The following COL7A1 variants were observed in gnomAD, a reference collection of about 807,000 sequenced individuals.
COL7A1 encodes collagen alpha-1(VII) chain.
A neutral mutation model predicts 456.2 loss-of-function variants in COL7A1; 296 were observed. The observed-to-expected ratio is 0.65, with a 90% CI of 0.59 to 0.71. The LOEUF (loss-of-function observed/expected upper bound fraction) is 0.71, where lower values mean the gene tolerates loss of function less well. COL7A1 is among the 30% of genes least tolerant of loss of function. The pLI is 0.00. For missense variants in COL7A1, 3,441 were observed against 4,017.2 expected (o/e 0.86, Z 3.88); for synonymous variants, 1,464 against 1,525.9 (o/e 0.96, Z 0.95).
Position 48,570,954 on chromosome 3 carries a change from G to T in COL7A1, c.7179C>A (p.Leu2393=). The T allele has an allele frequency of 6.2e-7, 1 of 1,613,582 alleles. No individual in the cohort carries two copies. The highest frequency in any genetic ancestry group is 1.6e-4 in the Middle Eastern group (1 of 6,062). The change falls in exon 95 of 119, where the codon CTC becomes CTA. Residue 2393 remains leucine (L), a synonymous_variant. Transcript: ENST00000681320. This position sits in a 1 kb window ranked among gnomAD's most constrained non-coding sequence, Gnocchi z 5.5. The part of the protein sequence containing the change: ...GPPGVKGDLG[L]PGLPGAPGVV... Reference sequence around the variant, plus strand: ...CACCAGGAGCACCGGGCAGGCCAGGGAGGCCCAGATCTCCCTGAAATAAAA... The same window carrying T: ...CACCAGGAGCACCGGGCAGGCCAGGTAGGCCCAGATCTCCCTGAAATAAAA...
Position 48,566,380 on chromosome 3 carries a change from T to A in COL7A1, c.8359-65A>T. ...GCCCACAGGAAGGACATAGGGCACA[T>A]AATACAGGGACTATGGTGAGACTGC... On this transcript the variant is annotated intron_variant, in intron 113 of 118. Transcript: ENST00000681320. The surrounding 1 kb of genome is among the most constrained non-coding windows in gnomAD (Gnocchi z 5.9). The A allele has an allele frequency of 6.2e-7, 1 of 1,604,424 alleles. No homozygotes were observed. Among genetic ancestry groups the A allele is most frequent in the Non-Finnish European group, 8.5e-7 (1 of 1,173,722 alleles).
At position 48,587,254 on chromosome 3, in the gene COL7A1, G is replaced by C; in HGVS notation, c.3075C>G (p.Ile1025Met). 1 of 1,612,984 alleles carries C rather than the reference G, an allele frequency of 6.2e-7. No homozygotes were observed. Among genetic ancestry groups the C allele is most frequent in the Admixed American group, 1.7e-5 (1 of 59,886 alleles). ...CATCCAGGACAGGCGTCAGGGAGAA[G>C]ATGTAAGAGACGCCAGGCTCTAGCC... is the stretch of plus-strand genomic sequence containing the variant. ...VTGLEPGVSY[I>M]FSLTPVLDGV... The change falls in exon 24 of 119, where the codon ATC becomes ATG. Residue 1025 changes from isoleucine to methionine, a missense_variant. This residue lies in a region of COL7A1 where 444 missense variants were observed against 427.6 expected (regional missense o/e 1.04). Transcript: ENST00000681320. This position sits in a 1 kb window ranked among gnomAD's most constrained non-coding sequence, Gnocchi z 6.1.
Position 48,581,463 on chromosome 3 carries a change from G to A in COL7A1, c.4803C>T (p.Gly1601=). 1 of 1,614,084 alleles carries A rather than the reference G, an allele frequency of 6.2e-7. No homozygotes were observed. The highest frequency in any genetic ancestry group is 8.5e-7 in the Non-Finnish European group (1 of 1,180,016). ...PGDRGPIGLT[G]RAGPPGDSGP... is the part of the protein sequence containing the mutation. ...GGGTACTCACTGGGGGTCCTGCTCT[G>A]CCAGTAAGGCCAATGGGACCCTGAA... The change falls in exon 51 of 119, where the codon GGC becomes GGT. Residue 1601 remains glycine (G), a synonymous_variant. Coordinates refer to ENST00000681320, the MANE Select transcript of COL7A1 (RefSeq NM_000094.4). The surrounding 1 kb of genome is among the most constrained non-coding windows in gnomAD (Gnocchi z 5.8).
chr3:48,586,605 T>A lies in COL7A1; in HGVS notation c.3361A>T (p.Ile1121Phe). 6.2e-7 allele frequency: 1 copy of A among 1,613,724 alleles called. No homozygotes were observed. The highest frequency in any genetic ancestry group is 8.5e-7 in the Non-Finnish European group (1 of 1,180,026). ...SHDLGIILQR[I>F]RDMPYMDPSG... Reference sequence around the variant, plus strand: ...GGGTCCATGTAGGGCATGTCACGGATCCTTTGCAAGATAATGCCAAGGTCA... The same window carrying A: ...GGGTCCATGTAGGGCATGTCACGGAACCTTTGCAAGATAATGCCAAGGTCA... Residue 1121 changes from isoleucine (I) to phenylalanine (F), a missense_variant, in exon 26 of 119, where the codon ATC becomes TTC. Physicochemically the swap from Ile to Phe is conservative, Grantham distance 21. Coordinates refer to ENST00000681320, the MANE Select transcript of COL7A1 (RefSeq NM_000094.4). This position sits in a 1 kb window ranked among gnomAD's most constrained non-coding sequence, Gnocchi z 5.1.
Position 48,573,540 on chromosome 3 carries a change from TGCAGGG to T in COL7A1, c.6585_6590del (p.Pro2196_Ala2197del). On this transcript the variant is annotated inframe_deletion, in exon 83 of 119. Transcript: ENST00000681320. This position sits in a 1 kb window ranked among gnomAD's most constrained non-coding sequence, Gnocchi z 5.5. ...TCAGGCCAGAAGGTCCTTGGGGTCC[TGCAGGG>T]CCAGCAAGACCCTAGAGAAAAGGGT... 1 of 1,614,050 alleles carries T rather than the reference TGCAGGG, an allele frequency of 6.2e-7. No homozygotes were observed. The highest frequency in any genetic ancestry group is 8.5e-7 in the Non-Finnish European group (1 of 1,180,000).
chr3:48,592,870 G>A lies in COL7A1; in HGVS notation c.751C>T (p.Gln251Ter), dbSNP rs1211890738. The change falls in exon 7 of 119, where the codon CAG becomes TAG. Residue 251 changes from glutamine (Q) to a stop codon, truncating the protein, a stop_gained. Transcript: ENST00000681320. LOFTEE classifies it high-confidence loss of function. The surrounding 1 kb of genome is among the most constrained non-coding windows in gnomAD (Gnocchi z 7.6). ...ACAGGGCCACTGGCCGCTGTCCACT[G>A]TACTCTCAAGGATTGGCTGCTTGGC... ...SEPSSQSLRV[Q>*]WTAASGPVTG... 2.5e-6 allele frequency: 4 copies of A among 1,614,076 alleles called. No homozygotes were observed. The South Asian group carries it at 3.3e-5, about 13-fold the overall frequency.
Position 48,592,282 on chromosome 3 carries a change from T to G in COL7A1, c.1094-34A>C. ...GGGACACCAAGGGGCCAGTGGGCCT[T>G]GCAGACTCAGGACTCTACAGCCTTG... is the stretch of plus-strand genomic sequence containing the variant. On this transcript the variant is annotated intron_variant, in intron 9 of 118. Coordinates refer to ENST00000681320, the MANE Select transcript of COL7A1 (RefSeq NM_000094.4). The surrounding 1 kb of genome is among the most constrained non-coding windows in gnomAD (Gnocchi z 7.6). 1.2e-6 allele frequency: 2 copies of G among 1,613,704 alleles called. No homozygotes were observed. The highest frequency in any genetic ancestry group is 2.7e-5 in the African/African-American group (2 of 74,970).
At chr3:48,584,430 C>G in intron 36 of COL7A1, 55 bp from the exon 37 acceptor site, 1 of 1,613,494 alleles carries the variant, frequency 6.2e-7, no homozygotes, top group Non-Finnish European at 8.5e-7. Context: ...CTCTCGCCCC[C>G]CTCGTGTTGG....
chr3:48,584,812 G>A (rs376273073), intron 34 of COL7A1, 43 bp from the exon 35 acceptor site: 38 of 1,613,772 alleles, frequency 2.4e-5, no homozygotes, highest in Admixed American at 3.3e-5. Flanking sequence ...GGGCTCAGGC[G>A]AATGTCAACG....
rs1255957948 is a variant in COL7A1, at chr3:48,580,724, C to A, written c.4981-72G>T. The A allele has an allele frequency of 6.4e-6, 10 of 1,573,564 alleles. No individual in the cohort carries two copies. The East Asian group carries it at 1.8e-4, about 28-fold the overall frequency. On this transcript the variant is annotated intron_variant, in intron 54 of 118. Coordinates refer to ENST00000681320, the MANE Select transcript of COL7A1 (RefSeq NM_000094.4). The surrounding 1 kb of genome is among the most constrained non-coding windows in gnomAD (Gnocchi z 4.5). ...GGTGCCCCTATGACCCGCTACACTG[C>A]CCCAGGTTCCCCATTACTCCAAAAT... is the stretch of plus-strand genomic sequence containing the variant.
rs1382372530 is a variant in COL7A1, at chr3:48,580,090, C to T, written c.5098-33G>A. 13 of 1,612,904 alleles carry T rather than the reference C, an allele frequency of 8.1e-6. No individual in the cohort carries two copies. The Admixed American group carries it at 2.2e-4, about 27-fold the overall frequency. On this transcript the variant is annotated intron_variant, in intron 56 of 118. Coordinates refer to ENST00000681320, the MANE Select transcript of COL7A1 (RefSeq NM_000094.4). The surrounding 1 kb of genome is among the most constrained non-coding windows in gnomAD (Gnocchi z 4.5). Reference sequence around the variant, plus strand: ...AGGAAATGATTATAGTCAATAGGAGCCCTCAGGTCCCAGGCCATGGCTCTG... The same window carrying T: ...AGGAAATGATTATAGTCAATAGGAGTCCTCAGGTCCCAGGCCATGGCTCTG...
Position 48,571,158 on chromosome 3 carries a change from A to C in COL7A1, c.7107T>G (p.Gly2369=), listed in dbSNP as rs2043894245. Residue 2369 remains glycine, a splice_region_variant and synonymous_variant, in exon 94 of 119, where the codon GGT becomes GGG. Transcript: ENST00000681320. This position sits in a 1 kb window ranked among gnomAD's most constrained non-coding sequence, Gnocchi z 4.6. ...KGAPGPKGFK[G]DPGVGVPGSP... ...AGCCCGGGACCCCGACTCCTGGGTC[A>C]CCCTTTGAGGAAAAGAGGCATCGGA... 3 of 1,613,886 alleles carry C rather than the reference A, an allele frequency of 1.9e-6. No individual in the cohort carries two copies. In the South Asian group the frequency reaches 3.3e-5, roughly 18 times the overall value.
chr3:48,580,724 C>T lies in COL7A1; in HGVS notation c.4981-72G>A, dbSNP rs1255957948. 6 of 1,573,564 alleles carry T rather than the reference C, an allele frequency of 3.8e-6. No individual in the cohort carries two copies. In the East Asian group the frequency reaches 6.8e-5, roughly 18 times the overall value. ...GGTGCCCCTATGACCCGCTACACTG[C>T]CCCAGGTTCCCCATTACTCCAAAAT... is the stretch of plus-strand genomic sequence containing the variant. On this transcript the variant is annotated intron_variant, in intron 54 of 118. Transcript: ENST00000681320. This position sits in a 1 kb window ranked among gnomAD's most constrained non-coding sequence, Gnocchi z 4.5.
Position 48,573,782 on chromosome 3 carries a change from A to G in COL7A1, c.6538-57T>C. The G allele has an allele frequency of 1.2e-6, 2 of 1,613,986 alleles. No homozygotes were observed. On this transcript the variant is annotated intron_variant, in intron 81 of 118. Transcript: ENST00000681320. The surrounding 1 kb of genome is among the most constrained non-coding windows in gnomAD (Gnocchi z 5.5). The stretch of plus-strand genomic sequence containing the variant: ...GAGTTAGCCGCACCCCACCAAGGAA[A>G]CTGAGGCAGTACTGGTCACTGGGGC...
chr3:48,573,061 C>T lies in COL7A1; in HGVS notation c.6715-5G>A, dbSNP rs565238443. The T allele has an allele frequency of 1.3e-5, 21 of 1,614,100 alleles. No individual in the cohort carries two copies. The highest frequency in any genetic ancestry group is 1.1e-4 in the African/African-American group (8 of 75,034). On this transcript the variant is annotated splice_polypyrimidine_tract_variant and splice_region_variant and intron_variant, in intron 85 of 118. Transcript: ENST00000681320. The surrounding 1 kb of genome is among the most constrained non-coding windows in gnomAD (Gnocchi z 5.5). ...ACCTGGAGACCCCTGTGGACCCTGA[C>T]GGAGAACAAGTCGGATGTCAGGGTG...
rs2107648450 is a variant in COL7A1 at position 48,570,847 on chromosome 3, TCCCAGCC to T, written c.7272+7_7272+13del. ...GATTCACCATGCCCCTACATGCTGT[TCCCAGCC>T]CCTCACCCGCTCTCCACTAGGGCCT... On this transcript the variant is annotated splice_region_variant and intron_variant, in intron 95 of 118. Transcript: ENST00000681320. The surrounding 1 kb of genome is among the most constrained non-coding windows in gnomAD (Gnocchi z 5.5). 2 of 1,601,994 alleles carry T rather than the reference TCCCAGCC, an allele frequency of 1.2e-6. No homozygotes were observed. Among genetic ancestry groups the T allele is most frequent in the Non-Finnish European group, 1.7e-6 (2 of 1,174,576 alleles).
Position 48,566,160 on chromosome 3 carries a change from C to T in COL7A1, c.8407+107G>A. The T allele has an allele frequency of 1.7e-6, 2 of 1,183,310 alleles. No homozygotes were observed. Among genetic ancestry groups the T allele is most frequent in the South Asian group, 1.3e-5 (1 of 76,566 alleles). 73.3% of individuals were successfully genotyped at this position (1,183,310 alleles called of 1,614,324 possible). A position where few individuals can be genotyped will look rare whatever the true frequency, so the allele number is the denominator to read the frequency against. On this transcript the variant is annotated intron_variant, in intron 114 of 118. Transcript: ENST00000681320. This position sits in a 1 kb window ranked among gnomAD's most constrained non-coding sequence, Gnocchi z 5.9. Reference sequence around the variant, plus strand: ...ACATGTGTCCTTCTGTGTATCCATCCATCCCCCCATCTTCTTGACTGCTTG... The same window carrying T: ...ACATGTGTCCTTCTGTGTATCCATCTATCCCCCCATCTTCTTGACTGCTTG...
chr3:48,578,175 A>C lies in COL7A1; in HGVS notation c.5532+146T>G, dbSNP rs1245835986. The C allele has an allele frequency of 1.2e-5, 12 of 977,852 alleles. No individual in the cohort carries two copies. The highest frequency in any genetic ancestry group is 1.2e-4 in the Admixed American group (5 of 42,496). The allele number at this position is 977,852 out of a possible 1,614,324, so 60.6% of individuals were successfully genotyped here. On this transcript the variant is annotated intron_variant, in intron 65 of 118. Transcript: ENST00000681320. The surrounding 1 kb of genome is among the most constrained non-coding windows in gnomAD (Gnocchi z 4.7). ...GCGAAACTCCATCTCAAAAAAAAAA[A>C]AACTATGTTTCTGGATGCATCTGTA...
chr3:48,583,323 A>C lies in COL7A1; in HGVS notation c.4437+70T>G. On this transcript the variant is annotated intron_variant, in intron 42 of 118. Coordinates refer to ENST00000681320, the MANE Select transcript of COL7A1 (RefSeq NM_000094.4). The surrounding 1 kb of genome is among the most constrained non-coding windows in gnomAD (Gnocchi z 5.1). ...GGGAACTCTTATCTCCTTATCTTCC[A>C]GCCTCCCCTAACACCATGGGGAGCC... 1 of 1,610,918 alleles carries C rather than the reference A, an allele frequency of 6.2e-7. No individual in the cohort carries two copies. Among genetic ancestry groups the C allele is most frequent in the Non-Finnish European group, 8.5e-7 (1 of 1,177,340 alleles).
Sources: gnomAD v4.1 joint callset for allele counts on GRCh38, gnomAD v4.1.1 for gene constraint, gnomAD v4.1.1 regional missense constraint, Gnocchi (gnomAD v3.1) non-coding constraint, MANE v1.5 for transcripts, NCBI Gene and HGNC (gene_info 2026-07-23, HGNC 2026-07-21) for gene names.